TAF2: variants seen among roughly 807,000 people sequenced by gnomAD.
TAF2 encodes transcription initiation factor TFIID subunit 2.
A neutral mutation model predicts 138.5 loss-of-function variants in TAF2; 61 were observed. That is an observed-to-expected ratio of 0.44 (90% CI 0.36 to 0.54). The LOEUF (loss-of-function observed/expected upper bound fraction) is 0.54. Ranked by LOEUF, TAF2 falls within the 20% of genes least tolerant of loss-of-function variation. The pLI is 0.00. For synonymous variants in TAF2, 475 were observed against 469.9 expected, an observed-to-expected ratio of 1.01 and a Z score of -0.14; for missense variants, 1,090 against 1,427.9, an observed-to-expected ratio of 0.76 and a Z score of 3.81.
intron 8 of TAF2, among the ~76,000 whole-genome samples, chr8:119,796,441 C>T (rs147484708): frequency 9.9e-5 from 15 of 152,026 alleles, no homozygotes; most frequent in African/African-American, 3.4e-4. Context: ...GCATATATAC[C>T]TTTCATTTCT....
chr8:119,800,532 T>G (rs536167855), intron 6 of TAF2, among the ~76,000 whole-genome samples: 135 of 152,342 alleles, frequency 8.9e-4, no homozygotes, highest in South Asian at 2.9e-3. Flanking sequence ...TACCATGCTG[T>G]TTTGGTTACT....
At chr8:119,814,737 CAAAAAAAAA>C (rs397795248) in intron 3 of TAF2, among the ~76,000 whole-genome samples, 2 of 86,488 alleles carry the variant, frequency 2.3e-5, no homozygotes, top group African/African-American at 4.9e-5. Context: ...ACCAAAAATA[CAAAAAAAAA>C]AAAAAAAAAA....
chr8:119,762,408 A>G lies in TAF2; in HGVS notation c.2558+7T>C. The G allele has an allele frequency of 1.2e-6, 2 of 1,612,034 alleles. No homozygotes were observed. Among genetic ancestry groups the G allele is most frequent in the Non-Finnish European group, 1.7e-6 (2 of 1,178,342 alleles). ...ATATAACTTTAAAGTAAGGAATTTA[A>G]TCATACCTGACAGTGATGGTATGCC... On this transcript the variant is annotated splice_region_variant and intron_variant, in intron 19 of 25. Transcript: ENST00000378164.
At chr8:119,786,050 CATCT>C (rs1822990578) in intron 14 of TAF2, among the ~76,000 whole-genome samples, 2 of 152,200 alleles carry the variant, frequency 1.3e-5, no homozygotes, top group Non-Finnish European at 1.5e-5. Flanking sequence ...CAGACACTCT[CATCT>C]ATCTGAGTGA....
intron 18 of TAF2, among the ~76,000 whole-genome samples, chr8:119,765,297 A>C (rs546051341): frequency 1.3e-5 from 2 of 152,284 alleles, no homozygotes; most frequent in African/African-American, 4.8e-5. Context: ...CAAGCAAAAC[A>C]GAAAAAAGAG....
intron 3 of TAF2, among the ~76,000 whole-genome samples, chr8:119,812,982 G>A (rs1025439383): frequency 1.3e-5 from 2 of 152,210 alleles, no homozygotes; most frequent in Admixed American, 1.3e-4. Flanking sequence ...GAGAACGCCA[G>A]ATAAAGTGGT....
chr8:119,731,591 T>G lies in TAF2; in HGVS notation c.*333A>C, dbSNP rs980244376. 3.2e-6 allele frequency: 1 copy of G among 311,986 alleles called. No homozygotes were observed. Among genetic ancestry groups the G allele is most frequent in the African/African-American group, 2.1e-5 (1 of 46,794 alleles). 19.3% of individuals were successfully genotyped at this position (311,986 alleles called of 1,614,324 possible). On this transcript the variant is annotated 3_prime_UTR_variant, in exon 26 of 26. Coordinates refer to ENST00000378164, the MANE Select transcript of TAF2 (RefSeq NM_003184.4). ...ATCCACCAAAGGCTTTCAAACATAATTGACTTTGGCGGTACACATGGAGAC... is the reference window on the plus strand; with the variant it reads ...ATCCACCAAAGGCTTTCAAACATAAGTGACTTTGGCGGTACACATGGAGAC...
intron 17 of TAF2, 105 bp downstream of exon 17, chr8:119,780,948 A>G (rs1186268976): frequency 1.6e-5 from 19 of 1,222,218 alleles, no homozygotes; most frequent in Admixed American, 2.8e-5. Context: ...AAAAAAAAAA[A>G]AAAAGAATGG....
intron 12 of TAF2, among the ~76,000 whole-genome samples, 175 bp from the exon 13 acceptor site, chr8:119,789,079 TCC>T (rs1255198936): frequency 6.6e-6 from 1 of 152,204 alleles, no homozygotes; most frequent in African/African-American, 2.4e-5. Context: ...AAAAATGCTT[TCC>T]CAGATTTAAA....
rs138867039 is a variant in TAF2 at position 119,746,991 on chromosome 8, A to G, written c.2879-57T>C. The G allele has an allele frequency of 5.9e-5, 91 of 1,550,366 alleles. No individual in the cohort carries two copies. The African/African-American group carries it at 1.0e-3, about 18-fold the overall frequency. ...TATGCACATTGATTCATACATTTTA[A>G]CTGTCCCAGAACCTGAACAACAAAA... On this transcript the variant is annotated intron_variant, in intron 22 of 25. Coordinates refer to ENST00000378164, the MANE Select transcript of TAF2 (RefSeq NM_003184.4).
chr8:119,826,734 G>A (rs1227316159), intron 2 of TAF2, among the ~76,000 whole-genome samples: 1 of 152,086 alleles, frequency 6.6e-6, no homozygotes, highest in African/African-American at 2.4e-5. Flanking sequence ...GGGATTACAG[G>A]CATCTGCCAC....
At chr8:119,765,541 G>A (rs555538764) in intron 18 of TAF2, among the ~76,000 whole-genome samples, 4 of 152,134 alleles carry the variant, frequency 2.6e-5, no homozygotes, top group Admixed American at 6.6e-5. Flanking sequence ...CACGGTAAAG[G>A]GGTACAAAGC....
intron 2 of TAF2, among the ~76,000 whole-genome samples, chr8:119,830,190 G>T (rs767172408): frequency 2.0e-4 from 31 of 151,980 alleles, no homozygotes; most frequent in Non-Finnish European, 1.0e-4. Context: ...GAGCCACCGT[G>T]CCTGGCCCTG....
intron 3 of TAF2, among the ~76,000 whole-genome samples, chr8:119,812,621 T>C (rs993999955): frequency 6.6e-6 from 1 of 152,190 alleles, no homozygotes; most frequent in Non-Finnish European, 1.5e-5. Context: ...TGGTTTTCCA[T>C]TTCCGAGTTA....
chr8:119,742,571 T>C lies in TAF2; in HGVS notation c.3300A>G (p.Lys1100=). 1.2e-6 allele frequency: 2 copies of C among 1,613,886 alleles called. No individual in the cohort carries two copies. The highest frequency in any genetic ancestry group is 1.7e-5 in the Admixed American group (1 of 59,976). ...GTGCAAGTTCCAAACTCCACTGGGG[T>C]TTTGTGGTGGGTGTGCTGTCACAGC... ...SAGCDSTPTT[K]PQWSLELARK... The change falls in exon 25 of 26, where the codon AAA becomes AAG. Residue 1100 remains lysine, a synonymous_variant. Coordinates refer to ENST00000378164, the MANE Select transcript of TAF2 (RefSeq NM_003184.4).
chr8:119,737,649 C>T lies in TAF2; in HGVS notation c.3337+4885G>A, dbSNP rs554890129. Among the ~76,000 whole-genome samples, 3 of 151,876 alleles carry T rather than the reference C, an allele frequency of 2.0e-5. No individual in the cohort carries two copies. In the South Asian group the frequency reaches 6.2e-4, roughly 32 times the overall value. ...TCAGCCTCCCGAGTAGCTAGGATTA[C>T]AGGTGCGTACCACCATGCCCAGCTA... On this transcript the variant is annotated intron_variant, in intron 25 of 25. Coordinates refer to ENST00000378164, the MANE Select transcript of TAF2 (RefSeq NM_003184.4).
chr8:119,753,752 A>C (rs1048714065), intron 22 of TAF2, among the ~76,000 whole-genome samples: 1 of 152,206 alleles, frequency 6.6e-6, no homozygotes, highest in Non-Finnish European at 1.5e-5. Context: ...TATTTTGTCC[A>C]AAACATCTTC....
intron 9 of TAF2, 78 bp downstream of exon 9, chr8:119,795,454 A>G: frequency 8.0e-7 from 1 of 1,252,250 alleles, no homozygotes; most frequent in Non-Finnish European, 1.2e-6. Flanking sequence ...TTCAAGCAGT[A>G]TTTTAAAAGT....
intron 19 of TAF2, among the ~76,000 whole-genome samples, chr8:119,761,352 G>C (rs191078193): frequency 1.5e-3 from 233 of 152,226 alleles, no homozygotes; most frequent in African/African-American, 5.4e-3. Context: ...ACACCATCTA[G>C]TTTGTGTAAA....
Sources: allele counts gnomAD v4.1 joint callset (sites outside exome capture counted in the v4.1 genomes callset), GRCh38; gene constraint gnomAD v4.1.1; transcripts MANE v1.5; gene names NCBI Gene and HGNC (gene_info 2026-07-23, HGNC 2026-07-21).